CHIC2: variants seen among roughly 807,000 people sequenced by gnomAD.
The protein encoded by CHIC2 is cysteine rich hydrophobic domain 2, also known as cysteine-rich hydrophobic domain-containing protein 2.
CHIC2 carries 14 observed loss-of-function variants against 25.9 expected under a neutral mutation model. That is an observed-to-expected ratio of 0.54 (90% CI 0.36 to 0.85). The LOEUF (loss-of-function observed/expected upper bound fraction) is 0.85. Ranked by LOEUF, CHIC2 falls within the 40% of genes least tolerant of loss-of-function variation. CHIC2 has a pLI of 0.01. For synonymous variants in CHIC2, 70 were observed against 72.0 expected, an observed-to-expected ratio of 0.97 and a Z score of 0.14; for missense variants, 146 against 202.0, an observed-to-expected ratio of 0.72 and a Z score of 1.68.
At chr4:54,027,172 C>T (rs1482623965) in intron 3 of CHIC2, among the ~76,000 whole-genome samples, 1 of 152,078 alleles carries the variant, frequency 6.6e-6, no homozygotes, top group African/African-American at 2.4e-5. Flanking sequence ...AATACAGTAT[C>T]TCATATTAAA....
chr4:54,032,804 C>T (rs2177048), intron 3 of CHIC2, among the ~76,000 whole-genome samples: 56,126 of 151,992 alleles, frequency 0.37, 10,927 homozygotes, highest in African/African-American at 0.47. Context: ...ATAGATTCTG[C>T]TCTGCTACAT....
At chr4:54,058,248 G>A (rs950396856) in intron 1 of CHIC2, among the ~76,000 whole-genome samples, 121 of 152,224 alleles carry the variant, frequency 7.9e-4, no homozygotes, top group South Asian at 2.1e-4. Flanking sequence ...TTTATTGAAT[G>A]CCTATTAATT....
At chr4:54,068,457 G>A (rs554817317), upstream of CHIC2, among the ~76,000 whole-genome samples, 23 of 152,260 alleles carry the variant, frequency 1.5e-4, no homozygotes, top group African/African-American at 4.8e-4. Flanking sequence ...GCTACCAGCC[G>A]TTTGATCTTG....
At chr4:54,048,713 A>C in intron 3 of CHIC2, 1 of 304,238 alleles carries the variant, frequency 3.3e-6, no homozygotes, top group Non-Finnish European at 6.0e-6. Context: ...ATGTACAGAT[A>C]CAGACAATGC....
intron 1 of CHIC2, chr4:54,059,599 A>C (rs1428451141): frequency 1.3e-5 from 2 of 151,882 alleles, no homozygotes; most frequent in Admixed American, 1.3e-4. Context: ...AAAAAAATCT[A>C]CCTTAATTTG....
the CHIC2 span, among the ~76,000 whole-genome samples, chr4:54,090,459 A>C: frequency 5.3e-5 from 8 of 152,316 alleles, no homozygotes; most frequent in African/African-American, 1.7e-4. Context: ...TGCTAGGATT[A>C]TTGACATGAG....
At chr4:54,052,307 G>A (rs1717027309) in intron 1 of CHIC2, among the ~76,000 whole-genome samples, 1 of 152,042 alleles carries the variant, frequency 6.6e-6, no homozygotes, top group Non-Finnish European at 1.5e-5. Context: ...CAATACCTTA[G>A]TTCTGGCTTC....
intron 3 of CHIC2, among the ~76,000 whole-genome samples, chr4:54,019,572 T>A (rs10517325): frequency 0.026 from 3,966 of 152,248 alleles, 159 homozygotes; most frequent in African/African-American, 0.087. Flanking sequence ...TTATACTGGT[T>A]ATGAATTATG....
chr4:54,024,053 C>T (rs1219428077), intron 3 of CHIC2, among the ~76,000 whole-genome samples: 1 of 152,202 alleles, frequency 6.6e-6, no homozygotes, highest in Non-Finnish European at 1.5e-5. Flanking sequence ...GCTAGCGTTC[C>T]AACTTCTGCC....
intron 3 of CHIC2, among the ~76,000 whole-genome samples, chr4:54,022,876 T>C (rs746021880): frequency 6.6e-6 from 1 of 152,042 alleles, no homozygotes. Context: ...GCCTATAAAC[T>C]CTCCTTACAA....
intron 1 of CHIC2, among the ~76,000 whole-genome samples, chr4:54,055,188 A>G (rs888683318): frequency 5.3e-5 from 8 of 152,104 alleles, no homozygotes; most frequent in African/African-American, 1.9e-4. Context: ...TGCCCAGTGT[A>G]GTCTCAAACT....
chr4:54,070,356 G>A, the CHIC2 span, among the ~76,000 whole-genome samples: 1 of 152,160 alleles, frequency 6.6e-6, no homozygotes, highest in Non-Finnish European at 1.5e-5. Context: ...AAGCCAGGCA[G>A]TGACATTATC....
chr4:54,044,322 C>CT (rs1319944096), intron 3 of CHIC2, among the ~76,000 whole-genome samples: 1 of 152,244 alleles, frequency 6.6e-6, no homozygotes, highest in Non-Finnish European at 1.5e-5. Context: ...CTACAGAACT[C>CT]TCCACCCCAA....
chr4:54,044,571 C>T (rs1439630682), intron 3 of CHIC2, among the ~76,000 whole-genome samples: 8 of 151,996 alleles, frequency 5.3e-5, no homozygotes, highest in Admixed American at 5.2e-4. Context: ...GAAATGAAGG[C>T]AGAAATAAAG....
At chr4:54,046,669 C>A (rs1240011104) in intron 3 of CHIC2, among the ~76,000 whole-genome samples, 7 of 152,230 alleles carry the variant, frequency 4.6e-5, no homozygotes, top group Admixed American at 2.0e-4. Context: ...TAAAGACTTA[C>A]ATGTTAGACC....
At chr4:54,021,566 G>A (rs1041542153) in intron 3 of CHIC2, among the ~76,000 whole-genome samples, 1 of 151,996 alleles carries the variant, frequency 6.6e-6, no homozygotes, top group Non-Finnish European at 1.5e-5. Context: ...TTCATTCCGC[G>A]ACTAGCCCTC....
chr4:54,061,292 C>T (rs1269022702), intron 1 of CHIC2: 2 of 151,966 alleles, frequency 1.3e-5, no homozygotes, highest in African/African-American at 4.8e-5. Context: ...CCAATCACGT[C>T]ACGTGAGAAT....
rs1017736973 is a variant in CHIC2 at position 54,064,057 on chromosome 4, C to A, written c.119+125G>T. 5.3e-6 allele frequency: 4 copies of A among 751,584 alleles called. No individual in the cohort carries two copies. The African/African-American group carries it at 5.3e-5, about 10-fold the overall frequency. 46.6% of individuals were successfully genotyped at this position (751,584 alleles called of 1,614,324 possible). On this transcript the variant is annotated intron_variant, in intron 1 of 5. Coordinates refer to ENST00000263921, the MANE Select transcript of CHIC2 (RefSeq NM_012110.4). The surrounding 1 kb of genome is among the most constrained non-coding windows in gnomAD (Gnocchi z 4.2). ...ATGAAAATAAGCCAAGTTCTCACTT[C>A]CTGGTTGCCTACTCTTTCGGAAGGC...
chr4:54,011,763 A>T (rs1275510537), intron 5 of CHIC2, among the ~76,000 whole-genome samples: 1 of 151,974 alleles, frequency 6.6e-6, no homozygotes, highest in Admixed American at 6.6e-5. Flanking sequence ...CACTTGTCTC[A>T]TTTATTCTAA....
Sources: gnomAD v4.1 joint callset for allele counts (sites outside exome capture counted in the v4.1 genomes callset) on GRCh38, gnomAD v4.1.1 for gene constraint, Gnocchi (gnomAD v3.1) non-coding constraint, MANE v1.5 for transcripts, NCBI Gene and HGNC (gene_info 2026-07-23, HGNC 2026-07-21) for gene names.